NUBPL: variants seen among roughly 807,000 people sequenced by gnomAD.
The protein encoded by NUBPL is NUBP iron-sulfur cluster assembly factor, mitochondrial.
Under a neutral mutation model 45.7 loss-of-function variants are expected in NUBPL, and 31 were observed. The ratio of observed to expected loss-of-function variants is 0.68; its 90% CI spans 0.51 to 0.92. The LOEUF (loss-of-function observed/expected upper bound fraction) is 0.92, where lower values mean the gene tolerates loss of function less well. NUBPL is among the 40% of genes least tolerant of loss of function. NUBPL has a pLI of 0.00. For synonymous variants in NUBPL, 144 were observed against 140.9 expected (o/e 1.02, Z -0.15); for missense variants, 401 against 398.7 (o/e 1.01, Z -0.05).
At chr14:31,678,943 G>C (rs1401590899) in intron 6 of NUBPL, among the ~76,000 whole-genome samples, 2 of 152,166 alleles carry the variant, frequency 1.3e-5, no homozygotes, top group Non-Finnish European at 2.9e-5. Flanking sequence ...TGGTGTTGAG[G>C]CTTGCTGGAA....
chr14:31,576,145 A>G (rs2033710954), intron 3 of NUBPL, among the ~76,000 whole-genome samples: 4 of 152,138 alleles, frequency 2.6e-5, no homozygotes, highest in Admixed American at 2.6e-4. Flanking sequence ...TAATTGTGAC[A>G]TCTACACACA....
intron 6 of NUBPL, among the ~76,000 whole-genome samples, chr14:31,725,752 C>T (rs2037908750): frequency 7.3e-6 from 1 of 137,564 alleles, no homozygotes; most frequent in Non-Finnish European, 1.5e-5. Flanking sequence ...CTCTGTTGCC[C>T]AGGCTGGAGT....
chr14:31,758,325 A>C (rs927109153), intron 6 of NUBPL, among the ~76,000 whole-genome samples: 2 of 152,202 alleles, frequency 1.3e-5, no homozygotes, highest in African/African-American at 2.4e-5. Flanking sequence ...TAACATCAGC[A>C]ATATATAGTA....
At chr14:31,759,436 T>C (rs2038748964) in intron 6 of NUBPL, among the ~76,000 whole-genome samples, 1 of 152,134 alleles carries the variant, frequency 6.6e-6, no homozygotes, top group African/African-American at 2.4e-5. Flanking sequence ...AAATTATTTT[T>C]ACTTGACAAA....
chr14:31,582,951 A>G (rs2033902594), intron 3 of NUBPL, among the ~76,000 whole-genome samples: 1 of 152,220 alleles, frequency 6.6e-6, no homozygotes, highest in South Asian at 2.1e-4. Flanking sequence ...CTTGCTTGGA[A>G]ACATGTCCTA....
intron 8 of NUBPL, among the ~76,000 whole-genome samples, chr14:31,843,225 A>G (rs1162833818): frequency 1.3e-5 from 2 of 152,248 alleles, no homozygotes; most frequent in Non-Finnish European, 2.9e-5. Context: ...TAGATTTGAC[A>G]CATGGCACTT....
chr14:31,636,302 C>G (rs1213314255), intron 4 of NUBPL, among the ~76,000 whole-genome samples: 83 of 151,510 alleles, frequency 5.5e-4, no homozygotes, highest in South Asian at 6.3e-4. Context: ...TAGCATGAAG[C>G]GTTGTTGAAT....
At chr14:31,565,307 CT>C (rs2033408162) in intron 3 of NUBPL, among the ~76,000 whole-genome samples, 1 of 152,012 alleles carries the variant, frequency 6.6e-6, no homozygotes, top group South Asian at 2.1e-4. Context: ...CCAATTTTGC[CT>C]TTATGATTTA....
chr14:31,640,239 C>T (rs1359119202), intron 4 of NUBPL, among the ~76,000 whole-genome samples: 2 of 152,070 alleles, frequency 1.3e-5, no homozygotes, highest in African/African-American at 4.8e-5. Flanking sequence ...TGCCCTCCGA[C>T]AAAATCAGTT....
intron 4 of NUBPL, among the ~76,000 whole-genome samples, chr14:31,659,147 G>T (rs1030002156): frequency 9.9e-5 from 15 of 152,182 alleles, no homozygotes; most frequent in African/African-American, 3.1e-4. Flanking sequence ...GCTGTTGTAA[G>T]GATTCAGTGA....
At position 31,861,186 on chromosome 14, in the gene NUBPL, A is replaced by G. The variant is rs938098370; in HGVS notation, c.*2006A>G. 4 of 152,196 alleles carry G rather than the reference A, an allele frequency of 2.6e-5. No homozygotes were observed. Among genetic ancestry groups the G allele is most frequent in the Non-Finnish European group, 4.4e-5 (3 of 68,028 alleles). 9.4% of individuals were successfully genotyped at this position (152,196 alleles called of 1,614,324 possible). A position where few individuals can be genotyped will look rare whatever the true frequency, so the allele number is the denominator to read the frequency against. ...TATTTCAACTGCATGTAAATCTACAATTATCTCAAAATAAAAATAAAAGTT... is the reference window on the plus strand; with the variant it reads ...TATTTCAACTGCATGTAAATCTACAGTTATCTCAAAATAAAAATAAAAGTT... On this transcript the variant is annotated 3_prime_UTR_variant, in exon 11 of 11. Transcript: ENST00000281081.
intron 3 of NUBPL, among the ~76,000 whole-genome samples, chr14:31,590,421 G>A (rs1227195052): frequency 6.6e-6 from 1 of 152,102 alleles, no homozygotes; most frequent in Non-Finnish European, 1.5e-5. Flanking sequence ...GGGTCATTGA[G>A]GGGAAGAGAG....
At chr14:31,628,961 G>A (rs1164641397) in intron 4 of NUBPL, among the ~76,000 whole-genome samples, 2 of 152,114 alleles carry the variant, frequency 1.3e-5, no homozygotes, top group Non-Finnish European at 2.9e-5. Flanking sequence ...GCCTTAATTT[G>A]TGCTAAGGTG....
At chr14:31,815,840 T>G (rs557675255) in intron 7 of NUBPL, among the ~76,000 whole-genome samples, 185 of 152,332 alleles carry the variant, frequency 1.2e-3, no homozygotes, top group Non-Finnish European at 2.2e-3. Flanking sequence ...ATTATTTTTA[T>G]TGATTTGCAT....
chr14:31,822,786 G>A (rs1366766947), intron 7 of NUBPL, among the ~76,000 whole-genome samples: 10 of 152,074 alleles, frequency 6.6e-5, no homozygotes, highest in Admixed American at 6.6e-4. Flanking sequence ...GACAGGACAT[G>A]GAAGATGATC....
chr14:31,648,157 A>T (rs1328437242), intron 4 of NUBPL, among the ~76,000 whole-genome samples: 2 of 152,244 alleles, frequency 1.3e-5, no homozygotes, highest in Non-Finnish European at 2.9e-5. Flanking sequence ...AGAGAAGAAA[A>T]GGAGGCAGAG....
chr14:31,859,412 G>A lies in NUBPL; in HGVS notation c.*232G>A. ...AAAGCTGGTGTGTACCACCTGCAAAGAACTGCATTTTATTTTATTGAATTA... is the reference window on the plus strand; with the variant it reads ...AAAGCTGGTGTGTACCACCTGCAAAAAACTGCATTTTATTTTATTGAATTA... On this transcript the variant is annotated 3_prime_UTR_variant, in exon 11 of 11. Transcript: ENST00000281081. 1 of 539,838 alleles carries A rather than the reference G, an allele frequency of 1.9e-6. No homozygotes were observed. Among genetic ancestry groups the A allele is most frequent in the South Asian group, 2.1e-5 (1 of 48,266 alleles). The allele number at this position is 539,838 out of a possible 1,614,324, so 33.4% of individuals were successfully genotyped here.
intron 2 of NUBPL, among the ~76,000 whole-genome samples, chr14:31,563,616 A>G (rs1430010153): frequency 6.6e-6 from 1 of 152,176 alleles, no homozygotes; most frequent in African/African-American, 2.4e-5. Context: ...TTTTCCTTAT[A>G]TGTATTTATT....
intron 4 of NUBPL, among the ~76,000 whole-genome samples, chr14:31,659,849 G>A (rs1381826480): frequency 6.6e-6 from 1 of 152,106 alleles, no homozygotes; most frequent in Non-Finnish European, 1.5e-5. Flanking sequence ...AGTTTTGATT[G>A]TGGAAAGGAT....
Sources: gnomAD v4.1 joint callset for allele counts (sites outside exome capture counted in the v4.1 genomes callset) on GRCh38, gnomAD v4.1.1 for gene constraint, MANE v1.5 for transcripts, NCBI Gene and HGNC (gene_info 2026-07-23, HGNC 2026-07-21) for gene names.